SGK3: variants seen among roughly 807,000 people sequenced by gnomAD.
SGK3 encodes the protein serum/glucocorticoid regulated kinase family member 3.
In SGK3, 47 loss-of-function variants were observed where a neutral mutation model predicts 68.5. The ratio of observed to expected loss-of-function variants is 0.69; its 90% CI spans 0.54 to 0.87. The LOEUF (loss-of-function observed/expected upper bound fraction) is 0.87. Among genes scored for constraint, SGK3 ranks in the 40% least tolerant of loss-of-function variants. The probability of loss-of-function intolerance (pLI) is 0.00; values close to 1 mark genes in which losing one functional copy is unlikely to be tolerated. For synonymous variants in SGK3, 181 were observed against 189.1 expected (o/e 0.96, Z 0.35); for missense variants, 479 against 575.5 (o/e 0.83, Z 1.72).
In SGK3 at chr8:66,720,781, T is replaced by TTATATATATATATATA. The variant is rs758419858; in HGVS notation, c.-122+7962_-122+7963insTATATATATATATATA. ...GCAAAACTCTGTCTCAAAAAAAAAA[T>TTATATATATATATATA]TATATATATATATAATTAGCCAGGT... On this transcript the variant is annotated intron_variant, in intron 1 of 16. Transcript: ENST00000521198. Among the ~76,000 whole-genome samples the TTATATATATATATATA allele has an allele frequency of 1.8e-3, 266 of 146,306 alleles. 1 individual carries two copies. The highest frequency in any genetic ancestry group is 9.1e-3 in the South Asian group (43 of 4,708).
intron 1 of SGK3, among the ~76,000 whole-genome samples, chr8:66,740,176 TGCAACTCCCTAAGACACATTCA>T (rs1299845042): frequency 5.9e-5 from 9 of 152,228 alleles, no homozygotes; most frequent in African/African-American, 1.9e-4. Flanking sequence ...TAAGGAAGTC[TGCAACTCCCTAAGACACATTCA>T]GCAGGCTTCA....
intron 6 of SGK3, 130 bp from the exon 7 acceptor site, chr8:66,828,524 G>A: frequency 8.3e-7 from 1 of 1,211,224 alleles, no homozygotes; most frequent in Non-Finnish European, 1.2e-6. Context: ...TGAGAATCAG[G>A]ACTTTGGGTT....
chr8:66,804,548 A>T, intron 4 of SGK3, 101 bp downstream of exon 4: 1 of 1,226,652 alleles, frequency 8.2e-7, no homozygotes, highest in Non-Finnish European at 1.1e-6. Context: ...GGACTTTAAA[A>T]GATCTTATGC....
intron 14 of SGK3, among the ~76,000 whole-genome samples, chr8:66,844,615 TC>T (rs1809933403): frequency 6.6e-6 from 1 of 152,200 alleles, no homozygotes; most frequent in African/African-American, 2.4e-5. Flanking sequence ...CCCTTTGTGG[TC>T]CCCTAAGTGT....
chr8:66,742,904 G>A (rs1392146308), intron 1 of SGK3, among the ~76,000 whole-genome samples: 1 of 152,026 alleles, frequency 6.6e-6, no homozygotes, highest in Non-Finnish European at 1.5e-5. Context: ...ATTCAGACTT[G>A]CCATTTTCTC....
chr8:66,768,142 T>G lies in SGK3; in HGVS notation c.-121-25474T>G, dbSNP rs1244482584. On this transcript the variant is annotated intron_variant, in intron 1 of 16. Transcript: ENST00000521198. ...TATATCTTACAATGGTATACTTCCA[T>G]GTCTCTAATGCTAGCTTTTATAATA... 7.9e-6 allele frequency: 3 copies of G among 381,758 alleles called. No homozygotes were observed. In the East Asian group the frequency reaches 1.8e-4, roughly 23 times the overall value. 23.6% of individuals were successfully genotyped at this position (381,758 alleles called of 1,614,324 possible).
At chr8:66,810,035 T>C (rs1195040305) in intron 4 of SGK3, among the ~76,000 whole-genome samples, 4 of 152,168 alleles carry the variant, frequency 2.6e-5, no homozygotes, top group Admixed American at 2.6e-4. Flanking sequence ...ACATCCACCA[T>C]ATTCCGCTCA....
intron 1 of SGK3, among the ~76,000 whole-genome samples, chr8:66,744,023 C>T (rs967070645): frequency 1.3e-5 from 2 of 152,188 alleles, no homozygotes; most frequent in African/African-American, 4.8e-5. Flanking sequence ...CTTACCTGGG[C>T]TGGATCCTTT....
intron 1 of SGK3, among the ~76,000 whole-genome samples, chr8:66,718,150 G>A (rs917808434): frequency 1.3e-5 from 2 of 150,754 alleles, no homozygotes; most frequent in African/African-American, 2.4e-5. Context: ...CTCAGCCTCC[G>A]AAGTAGCTGG....
intron 1 of SGK3, among the ~76,000 whole-genome samples, chr8:66,793,300 T>C (rs1485274495): frequency 6.6e-6 from 1 of 152,234 alleles, no homozygotes; most frequent in Non-Finnish European, 1.5e-5. Flanking sequence ...TTCATCCTGA[T>C]ACAAGAAGTC....
chr8:66,817,905 C>T (rs1808659290), intron 5 of SGK3, among the ~76,000 whole-genome samples: 1 of 151,994 alleles, frequency 6.6e-6, no homozygotes. Flanking sequence ...CCCAGGAGTT[C>T]AAGACCAGCC....
chr8:66,834,075 C>T (rs1341766975), intron 8 of SGK3, among the ~76,000 whole-genome samples: 1 of 152,182 alleles, frequency 6.6e-6, no homozygotes, highest in Non-Finnish European at 1.5e-5. Flanking sequence ...ATTGGTTCTA[C>T]TCCCTAGTTT....
intron 1 of SGK3, among the ~76,000 whole-genome samples, chr8:66,748,117 T>C (rs548158031): frequency 6.6e-6 from 1 of 152,340 alleles, no homozygotes; most frequent in African/African-American, 2.4e-5. Context: ...TATTGAGGTA[T>C]GTGAAGCATC....
rs566838183 is a variant in SGK3, at chr8:66,827,152, T to G, written c.418-1502T>G. Among the ~76,000 whole-genome samples the G allele has an allele frequency of 1.2e-4, 18 of 151,068 alleles. No individual in the cohort carries two copies. In the South Asian group the frequency reaches 3.6e-3, roughly 30 times the overall value. Reference sequence around the variant, plus strand: ...ATCCCGCCACTTTGGGAGGCTAAGGTGGGTGGATCATCTGAGGTCAGGAGT... The same window carrying G: ...ATCCCGCCACTTTGGGAGGCTAAGGGGGGTGGATCATCTGAGGTCAGGAGT... On this transcript the variant is annotated intron_variant, in intron 6 of 16. Transcript: ENST00000521198.
rs540845538 is a variant in SGK3, at chr8:66,811,389, G to A, written c.254-2464G>A. 3.9e-3 allele frequency among the ~76,000 whole-genome samples: 590 copies of A among 152,224 alleles called. 4 individuals carry two copies. The highest frequency in any genetic ancestry group is 7.7e-3 in the South Asian group (37 of 4,820). On this transcript the variant is annotated intron_variant, in intron 4 of 16. Transcript: ENST00000521198. ...ATTCATGTAACTTCTTCATTGGAGAGATTTTTAAAAATACATATTTCTAAC... is the reference window on the plus strand; with the variant it reads ...ATTCATGTAACTTCTTCATTGGAGAAATTTTTAAAAATACATATTTCTAAC...
At chr8:66,771,133 C>A (rs757572903) in intron 1 of SGK3, among the ~76,000 whole-genome samples, 1 of 152,028 alleles carries the variant, frequency 6.6e-6, no homozygotes, top group Non-Finnish European at 1.5e-5. Context: ...CCCCTAAGGC[C>A]CCACTCTTAA....
At chr8:66,835,741 C>G in intron 8 of SGK3, 22 bp from the exon 9 acceptor site, 2 of 1,603,358 alleles carry the variant, frequency 1.2e-6, no homozygotes, top group Admixed American at 3.5e-5. Context: ...TAATAGTATA[C>G]ACTAATGTTT....
chr8:66,712,923 C>T (rs897015147), intron 1 of SGK3, 90 bp downstream of exon 1: 1 of 151,944 alleles, frequency 6.6e-6, no homozygotes, highest in Non-Finnish European at 1.5e-5. Context: ...GAGGGCTGCC[C>T]GGGCCTCGGC....
intron 1 of SGK3, among the ~76,000 whole-genome samples, chr8:66,730,213 A>T (rs1424036154): frequency 6.6e-6 from 1 of 152,146 alleles, no homozygotes; most frequent in Non-Finnish European, 1.5e-5. Context: ...AAGTCTATTG[A>T]TGTTGAGCAT....
Sources: allele counts gnomAD v4.1 joint callset (sites outside exome capture counted in the v4.1 genomes callset), GRCh38; gene constraint gnomAD v4.1.1; transcripts MANE v1.5; gene names NCBI Gene and HGNC (gene_info 2026-07-23, HGNC 2026-07-21).